NOP58: variants seen among roughly 807,000 people sequenced by gnomAD.
NOP58 encodes the protein nucleolar protein 58.
Under a neutral mutation model 71.2 loss-of-function variants are expected in NOP58, and 44 were observed. The observed-to-expected ratio is 0.62, with a 90% confidence interval of 0.49 to 0.79. The LOEUF is 0.79. NOP58 is among the 30% of genes least tolerant of loss of function. The pLI is 0.00. For synonymous variants in NOP58, 228 were observed against 200.3 expected, an observed-to-expected ratio of 1.14 and a Z score of -1.17; for missense variants, 538 against 620.2, an observed-to-expected ratio of 0.87 and a Z score of 1.41.
intron 1 of NOP58, among the ~76,000 whole-genome samples, chr2:202,272,939 C>T (rs567622108): frequency 6.6e-6 from 1 of 152,154 alleles, no homozygotes; most frequent in East Asian, 1.9e-4. Flanking sequence ...TCGAGACTAT[C>T]CTGGCTAACA....
intron 13 of NOP58, among the ~76,000 whole-genome samples, chr2:202,301,065 A>G (rs1183085096): frequency 6.6e-6 from 1 of 152,224 alleles, no homozygotes; most frequent in Non-Finnish European, 1.5e-5. Context: ...TTGAAAAGTA[A>G]GGAGATCCCT....
In NOP58 at chr2:202,295,769, ACC is replaced by A. The variant is rs765761368; in HGVS notation, c.1006_1007del (p.Pro336Ter). On this transcript the variant is annotated frameshift_variant, in exon 10 of 15. Transcript: ENST00000264279. LOFTEE classifies it high-confidence loss of function. Reference sequence around the variant, plus strand: ...CAGAGCCCTCAAATCTAGACGGGATACCCCTAAGTATGGTCTCATTTATCATG... The same window carrying A: ...CAGAGCCCTCAAATCTAGACGGGATACCTAAGTATGGTCTCATTTATCATG... Reference protein sequence around the residue: ...LFRALKSRRDTPKYGLIYHAS... With the variant: ...LFRALKSRRDXPKYGLIYHAS... 6.2e-7 allele frequency: 1 copy of A among 1,611,618 alleles called. No individual in the cohort carries two copies.
chr2:202,301,116 T>C (rs1353542165), intron 13 of NOP58, among the ~76,000 whole-genome samples: 2 of 152,188 alleles, frequency 1.3e-5, no homozygotes, highest in Non-Finnish European at 2.9e-5. Flanking sequence ...CTCTGTCCTT[T>C]GTATCCTCAA....
At chr2:202,277,151 G>A (rs757494783) in intron 2 of NOP58, among the ~76,000 whole-genome samples, 3 of 152,202 alleles carry the variant, frequency 2.0e-5, no homozygotes, top group Non-Finnish European at 2.9e-5. Context: ...GCCAGGTGTG[G>A]TGGCGGGTGC....
Position 202,303,478 on chromosome 2 carries a change from C to T in NOP58, c.*42C>T. ...TTATATCACCCGGACACACATCATGCTTAAGATTCAACTGGGAGCATACCA... is the reference window on the plus strand; with the variant it reads ...TTATATCACCCGGACACACATCATGTTTAAGATTCAACTGGGAGCATACCA... On this transcript the variant is annotated 3_prime_UTR_variant, in exon 15 of 15. Transcript: ENST00000264279. 6.3e-6 allele frequency: 10 copies of T among 1,582,288 alleles called. No homozygotes were observed. The highest frequency in any genetic ancestry group is 8.6e-6 in the Non-Finnish European group (10 of 1,163,154).
chr2:202,276,825 G>A (rs1307575018), intron 2 of NOP58, among the ~76,000 whole-genome samples: 1 of 151,778 alleles, frequency 6.6e-6, no homozygotes, highest in Admixed American at 6.6e-5. Flanking sequence ...GTGACAGAGT[G>A]AAGTGAGACC....
Position 202,280,958 on chromosome 2 carries a change from G to A in NOP58, c.176-1393G>A, listed in dbSNP as rs527636577. 1.3e-3 allele frequency among the ~76,000 whole-genome samples: 202 copies of A among 151,678 alleles called. 1 individual carries two copies. Among genetic ancestry groups the A allele is most frequent in the African/African-American group, 4.7e-3 (194 of 41,376 alleles). On this transcript the variant is annotated intron_variant, in intron 3 of 14. Coordinates refer to ENST00000264279, the MANE Select transcript of NOP58 (RefSeq NM_015934.5). ...TAGGATGGTCGCATCTCCTGACCTC[G>A]TGACCCGCTCACCTCAGCCTCCTGA... is the stretch of plus-strand genomic sequence containing the variant.
intron 2 of NOP58, among the ~76,000 whole-genome samples, chr2:202,276,848 CAT>C (rs1688599768): frequency 6.6e-6 from 1 of 151,654 alleles, no homozygotes; most frequent in East Asian, 2.0e-4. Flanking sequence ...GTCTCAAAAA[CAT>C]AAAGGGGGCC....
rs1307714248 is a variant in NOP58 at position 202,284,448 on chromosome 2, A to T, written c.401A>T (p.Glu134Val). ...TTAATCCCTGGGGTAGAACCACGTG[A>T]AATGGCAGCTATGTGTCTTGGATTG... ...DGLIPGVEPR[E>V]MAAMCLGLAH... Residue 134 changes from glutamate to valine, a missense_variant, in exon 5 of 15, where the codon GAA becomes GTA. Glu to Val is a moderately radical substitution (Grantham distance 121). Coordinates refer to ENST00000264279, the MANE Select transcript of NOP58 (RefSeq NM_015934.5). The T allele has an allele frequency of 6.2e-7, 1 of 1,614,004 alleles. No homozygotes were observed. Among genetic ancestry groups the T allele is most frequent in the East Asian group, 2.2e-5 (1 of 44,876 alleles).
intron 3 of NOP58, 110 bp downstream of exon 3, chr2:202,278,112 A>G (rs563521774): frequency 7.2e-5 from 56 of 775,906 alleles, no homozygotes; most frequent in Middle Eastern, 5.0e-4. Context: ...ACCTTATTCA[A>G]TGTTGTCAAT....
intron 9 of NOP58, among the ~76,000 whole-genome samples, chr2:202,293,406 T>C (rs1688938235): frequency 6.6e-6 from 1 of 152,246 alleles, no homozygotes; most frequent in Non-Finnish European, 1.5e-5. Context: ...AATAAAACTT[T>C]GTATATGTGT....
chr2:202,288,719 G>T (rs751784835), intron 6 of NOP58, among the ~76,000 whole-genome samples: 1 of 152,020 alleles, frequency 6.6e-6, no homozygotes, highest in Non-Finnish European at 1.5e-5. Context: ...GGAGGCTGAG[G>T]CAGGAGAATC....
intron 6 of NOP58, among the ~76,000 whole-genome samples, chr2:202,288,485 T>TAA (rs369945744): frequency 1.9e-4 from 22 of 115,138 alleles, no homozygotes; most frequent in African/African-American, 3.4e-4. Context: ...TCCATCTCAC[T>TAA]AAAAAAAAAA....
Position 202,287,702 on chromosome 2 carries a change from C to A in NOP58, c.477C>A (p.Asp159Glu). 1 of 1,612,888 alleles carries A rather than the reference C, an allele frequency of 6.2e-7. No homozygotes were observed. Among genetic ancestry groups the A allele is most frequent in the South Asian group, 1.1e-5 (1 of 91,052 alleles). Residue 159 changes from aspartate (D) to glutamate (E), a missense_variant, in exon 6 of 15, where the codon GAC becomes GAA. Transcript: ENST00000264279. Reference sequence around the variant, plus strand: ...TGAAGTTTAGCGCTGATAAAGTAGACACAATGATTGTTCAGGCAATTTGTA... The same window carrying A: ...TGAAGTTTAGCGCTGATAAAGTAGAAACAATGATTGTTCAGGCAATTTGTA... ...YRLKFSADKV[D>E]TMIVQAISLL...
At position 202,277,487 on chromosome 2, in the gene NOP58, C is replaced by A. The variant is rs534893170; in HGVS notation, c.123-463C>A. Among the ~76,000 whole-genome samples, 30 of 149,788 alleles carry A rather than the reference C, an allele frequency of 2.0e-4. No individual in the cohort carries two copies. In the South Asian group the frequency reaches 4.6e-3, roughly 23 times the overall value. On this transcript the variant is annotated intron_variant, in intron 2 of 14. Transcript: ENST00000264279. ...TGAGATTCTGTCTCAAAAAAAAAAA[C>A]AAAAAACCATAAAGGGTTAGGATGT...
At chr2:202,268,116 G>A (rs186635801) in intron 1 of NOP58, among the ~76,000 whole-genome samples, 2 of 152,202 alleles carry the variant, frequency 1.3e-5, no homozygotes, top group African/African-American at 2.4e-5. Flanking sequence ...CTTTAAAAGG[G>A]CAAATATTAA....
At chr2:202,283,798 C>G (rs193286194) in intron 4 of NOP58, among the ~76,000 whole-genome samples, 16 of 152,208 alleles carry the variant, frequency 1.1e-4, no homozygotes, top group Admixed American at 2.0e-4. Flanking sequence ...CTTAAACCAA[C>G]TACTTGGTCA....
At chr2:202,299,694 A>AAAT (rs1384833382) in intron 12 of NOP58, among the ~76,000 whole-genome samples, 2 of 152,140 alleles carry the variant, frequency 1.3e-5, no homozygotes, top group Non-Finnish European at 2.9e-5. Flanking sequence ...CACTCATTTC[A>AAAT]GTATTTTCTT....
chr2:202,277,527 C>G (rs951237099), intron 2 of NOP58, among the ~76,000 whole-genome samples: 3 of 151,690 alleles, frequency 2.0e-5, no homozygotes, highest in African/African-American at 7.3e-5. Flanking sequence ...AGAATGAGAC[C>G]TGACAATAAG....
Sources: allele counts gnomAD v4.1 joint callset (sites outside exome capture counted in the v4.1 genomes callset), GRCh38; gene constraint gnomAD v4.1.1; transcripts MANE v1.5; gene names NCBI Gene and HGNC (gene_info 2026-07-23, HGNC 2026-07-21).